Variants in CDK13 observed in about 807,000 individuals in gnomAD.
CDK13 encodes the protein cyclin-dependent kinase 13.
In CDK13, 40 loss-of-function variants were observed where a neutral mutation model predicts 137.6. The observed-to-expected ratio is 0.29, with a 90% CI of 0.23 to 0.38. The LOEUF is 0.38. Ranked by LOEUF, CDK13 falls within the 10% of genes least tolerant of loss-of-function variation. The pLI is 1.00. For missense variants in CDK13, 1,704 were observed against 1,951.8 expected (o/e 0.87, Z 2.39); for synonymous variants, 869 against 760.1 (o/e 1.14, Z -2.36).
Position 39,951,094 on chromosome 7 carries a change from C to T in CDK13, c.453C>T (p.Ser151=), listed in dbSNP as rs1228382061. ...TPLVEYEDVS[S]QSEQGLLLGG... Reference sequence around the variant, plus strand: ...TGGTGGAATACGAGGATGTGAGCTCCCAGTCCGAGCAGGGGCTGCTGCTGG... The same window carrying T: ...TGGTGGAATACGAGGATGTGAGCTCTCAGTCCGAGCAGGGGCTGCTGCTGG... Residue 151 remains serine (S), a synonymous_variant, in exon 1 of 14, where the codon TCC becomes TCT. Coordinates refer to ENST00000181839, the MANE Select transcript of CDK13 (RefSeq NM_003718.5). 4.8e-6 allele frequency: 6 copies of T among 1,260,168 alleles called. No homozygotes were observed. The highest frequency in any genetic ancestry group is 6.0e-6 in the Non-Finnish European group (6 of 1,004,028). 78.1% of individuals were successfully genotyped at this position (1,260,168 alleles called of 1,614,324 possible). A position where few individuals can be genotyped will look rare whatever the true frequency, so the allele number is the denominator to read the frequency against.
intron 5 of CDK13, among the ~76,000 whole-genome samples, chr7:40,014,099 C>T (rs1465649267): frequency 9.9e-6 from 1 of 101,244 alleles, no homozygotes; most frequent in Non-Finnish European, 1.8e-5. Flanking sequence ...ACAAGCATTT[C>T]ACTCTATTGC....
chr7:39,968,225 TTTTAA>T (rs1324882602), intron 1 of CDK13, among the ~76,000 whole-genome samples: 5 of 152,232 alleles, frequency 3.3e-5, no homozygotes, highest in Non-Finnish European at 7.3e-5. Flanking sequence ...TGCAGAGGCT[TTTTAA>T]TTTGATTCCA....
chr7:40,021,114 T>TACACACACACACACAC (rs1261518119), intron 5 of CDK13, among the ~76,000 whole-genome samples: 14 of 94,674 alleles, frequency 1.5e-4, no homozygotes, highest in African/African-American at 5.0e-4. Flanking sequence ...TATATATATA[T>TACACACACACACACAC]ATATATATAC....
At chr7:39,966,466 CTTTAAGGACTTCTGTGCG>C (rs1317234344) in intron 1 of CDK13, among the ~76,000 whole-genome samples, 1 of 152,160 alleles carries the variant, frequency 6.6e-6, no homozygotes, top group African/African-American at 2.4e-5. Context: ...CCATCAGGTC[CTTTAAGGACTTCTGTGCG>C]TTGGTTATTC....
In CDK13 at chr7:39,951,638, C is replaced by G. The variant is rs1480119569; in HGVS notation, c.997C>G (p.Gln333Glu). The G allele has an allele frequency of 6.8e-7, 1 of 1,480,574 alleles. No individual in the cohort carries two copies. Among genetic ancestry groups the G allele is most frequent in the East Asian group, 2.6e-5 (1 of 37,776 alleles). The allele number at this position is 1,480,574 out of a possible 1,614,324, so 91.7% of individuals were successfully genotyped here. ...DDSPVSHRAS[Q>E]SLRSRKSPSP... ...CAGCCCGGTGTCCCACAGGGCCTCT[C>G]AGAGCCTGAGGAGCCGCAAGTCCCC... The change falls in exon 1 of 14, where the codon CAG (glutamine) becomes GAG (glutamate). Residue 333 changes from glutamine to glutamate, a missense_variant. This residue lies in a region of CDK13 where 1,051 missense variants were observed against 931.0 expected (regional missense o/e 1.13). Transcript: ENST00000181839.
chr7:40,088,363 C>G lies in CDK13; in HGVS notation c.3235+32C>G, dbSNP rs751316308. On this transcript the variant is annotated intron_variant, in intron 12 of 13. Coordinates refer to ENST00000181839, the MANE Select transcript of CDK13 (RefSeq NM_003718.5). ...AATGCTTCCATGGGTTGGTTTTCTT[C>G]ACATTGTTTTGCAGTTAATTCTGAT... The G allele has an allele frequency of 1.9e-6, 3 of 1,553,170 alleles. No individual in the cohort carries two copies. The East Asian group carries it at 6.8e-5, about 35-fold the overall frequency.
At chr7:40,060,124 T>G (rs1786109076) in intron 7 of CDK13, among the ~76,000 whole-genome samples, 1 of 152,210 alleles carries the variant, frequency 6.6e-6, no homozygotes, top group Non-Finnish European at 1.5e-5. Context: ...AGGTGACTGC[T>G]AAATATTGCA....
intron 9 of CDK13, chr7:40,071,988 A>C (rs1786431839): frequency 1.3e-5 from 2 of 152,238 alleles, no homozygotes; most frequent in African/African-American, 4.8e-5. Flanking sequence ...AAATCATTGC[A>C]CATCTTCTCA....
Position 39,950,839 on chromosome 7 carries a change from G to GGCCGCCGCCGCA in CDK13, c.210_221dup (p.Ala73_Ala76dup). 1.4e-6 allele frequency: 2 copies of GGCCGCCGCCGCA among 1,381,594 alleles called. No homozygotes were observed. Among genetic ancestry groups the GGCCGCCGCCGCA allele is most frequent in the East Asian group, 3.1e-5 (1 of 32,780 alleles). 85.6% of individuals were successfully genotyped at this position (1,381,594 alleles called of 1,614,324 possible). ...TGCTCTTCCTGGCTGCTCCCGGCAC[G>GGCCGCCGCCGCA]GCCGCCGCCGCAGCCGCCGCCGCCG... is the stretch of plus-strand genomic sequence containing the variant. On this transcript the variant is annotated inframe_insertion, in exon 1 of 14. Transcript: ENST00000181839.
At chr7:39,963,498 T>A (rs906728688) in intron 1 of CDK13, among the ~76,000 whole-genome samples, 6 of 152,334 alleles carry the variant, frequency 3.9e-5, no homozygotes, top group African/African-American at 1.4e-4. Context: ...TTGCTGAAGT[T>A]GCCTATCAGC....
chr7:40,098,977 G>A lies in CDK13; in HGVS notation c.*3997G>A, dbSNP rs1477064508. Reference sequence around the variant, plus strand: ...TGTATGTATTTTTCATTTGTTGAAAGAAGATTGGTTATCAGTAGGCTTGCA... The same window carrying A: ...TGTATGTATTTTTCATTTGTTGAAAAAAGATTGGTTATCAGTAGGCTTGCA... On this transcript the variant is annotated 3_prime_UTR_variant, in exon 14 of 14. Transcript: ENST00000181839. 1 of 151,862 alleles carries A rather than the reference G, an allele frequency of 6.6e-6. No homozygotes were observed. Among genetic ancestry groups the A allele is most frequent in the African/African-American group, 2.4e-5 (1 of 41,364 alleles). 9.4% of individuals were successfully genotyped at this position (151,862 alleles called of 1,614,324 possible). A position where few individuals can be genotyped will look rare whatever the true frequency, so the allele number is the denominator to read the frequency against.
chr7:40,090,844 G>A (rs1786905410), intron 12 of CDK13, among the ~76,000 whole-genome samples: 1 of 152,128 alleles, frequency 6.6e-6, no homozygotes, highest in African/African-American at 2.4e-5. Flanking sequence ...TGGCACTGTG[G>A]CCTGGATGAT....
chr7:39,986,150 C>T (rs145074059), intron 1 of CDK13: 91 of 152,222 alleles, frequency 6.0e-4, no homozygotes, highest in African/African-American at 2.1e-3. Context: ...CTTCAGGTAA[C>T]GTAATATTTT....
chr7:40,039,434 A>ATTTTTTTTTTTTTTTTTTTTTTTT (rs976319927), intron 5 of CDK13, among the ~76,000 whole-genome samples: 4 of 85,000 alleles, frequency 4.7e-5, no homozygotes, highest in African/African-American at 2.2e-4. Flanking sequence ...TGCCCGGCTA[A>ATTTTTTTTTTTTTTTTTTTTTTTT]TTTTTTTTTT....
At chr7:39,995,394 T>C (rs570022026) in intron 2 of CDK13, among the ~76,000 whole-genome samples, 7 of 152,300 alleles carry the variant, frequency 4.6e-5, no homozygotes, top group South Asian at 4.1e-4. Flanking sequence ...CCTAAATAAG[T>C]TATTCTAAAT....
intron 2 of CDK13, among the ~76,000 whole-genome samples, chr7:39,991,305 T>C (rs1014874915): frequency 2.6e-5 from 4 of 152,242 alleles, no homozygotes; most frequent in African/African-American, 9.6e-5. Context: ...GGGAGGTATC[T>C]TTATTTACTT....
chr7:40,092,591 C>T (rs957697100), intron 12 of CDK13, 194 bp from the exon 13 acceptor site: 1 of 540,992 alleles, frequency 1.8e-6, no homozygotes, highest in Non-Finnish European at 3.3e-6. Flanking sequence ...AAATTGACTG[C>T]AGTTCTTTTT....
intron 11 of CDK13, among the ~76,000 whole-genome samples, chr7:40,087,714 A>C (rs1432915133): frequency 6.6e-6 from 1 of 151,670 alleles, no homozygotes; most frequent in Admixed American, 6.6e-5. Context: ...ACGCCTGGCT[A>C]ATTTTTGTAT....
intron 11 of CDK13, among the ~76,000 whole-genome samples, chr7:40,084,173 C>T (rs1056002408): frequency 1.3e-5 from 2 of 151,966 alleles, no homozygotes; most frequent in East Asian, 3.9e-4. Flanking sequence ...GGTGAAACCC[C>T]GTCTCTAGTA....
Sources: gnomAD v4.1 joint callset for allele counts (sites outside exome capture counted in the v4.1 genomes callset) on GRCh38, gnomAD v4.1.1 for gene constraint, gnomAD v4.1.1 regional missense constraint, MANE v1.5 for transcripts, NCBI Gene and HGNC (gene_info 2026-07-23, HGNC 2026-07-21) for gene names.